FCRL3: variants seen among roughly 807,000 people sequenced by gnomAD.
FCRL3 encodes the protein Fc receptor like 3.
In FCRL3, 89 loss-of-function variants were observed where a neutral mutation model predicts 75.0. That is an observed-to-expected ratio of 1.19 (90% confidence interval 1.00 to 1.42). The LOEUF is 1.42. Among genes scored for constraint, FCRL3 ranks in the 40% most tolerant of loss-of-function variants. The pLI, the probability that FCRL3 is intolerant of heterozygous loss-of-function variation, is 0.00. For synonymous variants in FCRL3, 376 were observed against 348.5 expected (o/e 1.08, Z -0.88); for missense variants, 946 against 880.0 (o/e 1.07, Z -0.95).
chr1:157,691,434 C>A (rs1299802987), intron 8 of FCRL3, among the ~76,000 whole-genome samples: 1 of 152,134 alleles, frequency 6.6e-6, no homozygotes, highest in Admixed American at 6.5e-5. Flanking sequence ...TGCTTTCCAT[C>A]GCAGATGGGC....
intron 11 of FCRL3, among the ~76,000 whole-genome samples, chr1:157,682,985 T>C (rs1180250596): frequency 6.6e-6 from 1 of 152,160 alleles, no homozygotes; most frequent in Non-Finnish European, 1.5e-5. Flanking sequence ...TTTAAGGAAG[T>C]AGATAAATTA....
chr1:157,697,633 G>A, intron 5 of FCRL3, 26 bp downstream of exon 5: 2 of 1,599,522 alleles, frequency 1.3e-6, no homozygotes, highest in Non-Finnish European at 1.7e-6. Flanking sequence ...AACAAACCCA[G>A]TAATCCACAG....
intron 10 of FCRL3, 113 bp from the exon 11 acceptor site, chr1:157,683,357 A>G: frequency 2.3e-6 from 3 of 1,307,184 alleles, no homozygotes; most frequent in Non-Finnish European, 3.2e-6. Flanking sequence ...AGCTACGGAA[A>G]AACTCAAGGA....
In FCRL3 at chr1:157,698,701, A is replaced by G. The variant is rs1045009196; in HGVS notation, c.53-72T>C. 1.9e-4 allele frequency: 284 copies of G among 1,511,326 alleles called. 3 individuals are homozygous for G. The highest frequency in any genetic ancestry group is 7.0e-5 in the Non-Finnish European group (77 of 1,100,972). The allele number at this position is 1,511,326 out of a possible 1,614,324, so 93.6% of individuals were successfully genotyped here. On this transcript the variant is annotated intron_variant, in intron 3 of 14. Transcript: ENST00000368184. ...GTGGGCACAGCACATGGGGAGCCCA[A>G]CCTACAGTCAGGAGTTTTCCTGGAC...
At chr1:157,700,637 G>A (rs988440467) in intron 1 of FCRL3, 25 bp downstream of exon 1, 2 of 1,499,506 alleles carry the variant, frequency 1.3e-6, no homozygotes, top group African/African-American at 2.8e-5. Flanking sequence ...TTTGCTTTGG[G>A]CTCTGAAAAT....
At position 157,696,153 on chromosome 1, in the gene FCRL3, A is replaced by G. The variant is rs1371312815; in HGVS notation, c.1019T>C (p.Leu340Ser). 3.1e-6 allele frequency: 5 copies of G among 1,613,824 alleles called. No individual in the cohort carries two copies. The African/African-American group carries it at 5.3e-5, about 17-fold the overall frequency. Residue 340 changes from leucine (L) to serine (S), a missense_variant, in exon 7 of 15, where the codon TTG (leucine) becomes TCG (serine). Coordinates refer to ENST00000368184, the MANE Select transcript of FCRL3 (RefSeq NM_052939.4). ...CACGGTGAGAACATGCAGCTCTGCC[A>G]ACAGGGAACGCTGGGTCTTTCTACC... ...SLGRKTQRSL[L>S]AELHVLTVKE...
At chr1:157,698,692 G>C in intron 3 of FCRL3, 63 bp from the exon 4 acceptor site, 1 of 1,564,360 alleles carries the variant, frequency 6.4e-7, no homozygotes, top group East Asian at 2.2e-5. Context: ...ACAGCACATG[G>C]GGAGCCCAAC....
At chr1:157,689,940 G>A in intron 9 of FCRL3, 23 bp from the exon 10 acceptor site, 1 of 1,612,446 alleles carries the variant, frequency 6.2e-7, no homozygotes, top group Non-Finnish European at 8.5e-7. Context: ...AGCTGTACTT[G>A]AGTTTCAGTG....
upstream of FCRL3, chr1:157,700,831 A>G: frequency 1.1e-6 from 1 of 903,444 alleles, no homozygotes; most frequent in Non-Finnish European, 1.4e-6. Context: ...TTCTTTCTGT[A>G]TTTTTCATAT....
chr1:157,676,906 G>A lies in FCRL3; in HGVS notation c.*1804C>T. 6.9e-7 allele frequency: 1 copy of A among 1,453,074 alleles called. No homozygotes were observed. The highest frequency in any genetic ancestry group is 9.0e-7 in the Non-Finnish European group (1 of 1,105,906). 90.0% of individuals were successfully genotyped at this position (1,453,074 alleles called of 1,614,324 possible). On this transcript the variant is annotated 3_prime_UTR_variant, in exon 15 of 15. Transcript: ENST00000368184. ...GAGGAGAGCCTCCATATACAGCCTG[G>A]TGGTTGGTACCCAAAACCGGTTTAC... is the stretch of plus-strand genomic sequence containing the variant.
rs72708350 is a variant in FCRL3 at position 157,684,668 on chromosome 1, C to T, written c.1811-1424G>A. On this transcript the variant is annotated intron_variant, in intron 10 of 14. Coordinates refer to ENST00000368184, the MANE Select transcript of FCRL3 (RefSeq NM_052939.4). ...AGTTTACCTAGGTTGTGTCATAGTA[C>T]CTAAAAGGTAGATACTGTTATTATT... Among the ~76,000 whole-genome samples, 1,166 of 152,202 alleles carry T rather than the reference C, an allele frequency of 7.7e-3. 14 individuals carry two copies. Among genetic ancestry groups the T allele is most frequent in the Non-Finnish European group, 0.011 (780 of 68,020 alleles).
intron 4 of FCRL3, 95 bp downstream of exon 4, chr1:157,698,289 C>T: frequency 1.4e-6 from 2 of 1,459,712 alleles, no homozygotes; most frequent in East Asian, 2.3e-5. Context: ...ATCCCCATGT[C>T]TGCTTACAAC....
chr1:157,699,569 G>T, intron 3 of FCRL3, 123 bp downstream of exon 3: 2 of 985,476 alleles, frequency 2.0e-6, no homozygotes, highest in Non-Finnish European at 1.5e-6. Flanking sequence ...TATAGTAGCA[G>T]ATGTGACCCC....
chr1:157,696,115 C>T lies in FCRL3; in HGVS notation c.1057G>A (p.Ala353Thr). ...TCAGCTGCACAGTAGTATCTCCCTG[C>T]ATCACTCTCCTTCACGGTGAGAACA... ...LHVLTVKESD[A>T]GRYYCAADNV... The change falls in exon 7 of 15, where the codon GCA becomes ACA. Residue 353 changes from alanine (A) to threonine (T), a missense_variant. By Grantham distance (58) the Ala-to-Thr change is moderately conservative. Coordinates refer to ENST00000368184, the MANE Select transcript of FCRL3 (RefSeq NM_052939.4). 1 of 1,613,870 alleles carries T rather than the reference C, an allele frequency of 6.2e-7. No individual in the cohort carries two copies. Among genetic ancestry groups the T allele is most frequent in the Non-Finnish European group, 8.5e-7 (1 of 1,179,996 alleles).
chr1:157,682,542 A>G (rs2101591460), intron 11 of FCRL3, among the ~76,000 whole-genome samples: 1 of 152,366 alleles, frequency 6.6e-6, no homozygotes, highest in East Asian at 1.9e-4. Context: ...GGGAAGCATT[A>G]CAAAACAGGA....
chr1:157,677,829 TAGG>T lies in FCRL3; in HGVS notation c.*878_*880del, dbSNP rs1654556208. 1 of 544,846 alleles carries T rather than the reference TAGG, an allele frequency of 1.8e-6. No homozygotes were observed. The highest frequency in any genetic ancestry group is 2.1e-5 in the African/African-American group (1 of 48,026). 33.8% of individuals were successfully genotyped at this position (544,846 alleles called of 1,614,324 possible). On this transcript the variant is annotated 3_prime_UTR_variant, in exon 15 of 15. Transcript: ENST00000368184. ...TGTAGATACATTAATATGATAGAAA[TAGG>T]AGAGCATGGGAATAATGAACATGAG... is the stretch of plus-strand genomic sequence containing the variant.
In FCRL3 at chr1:157,697,158, A is replaced by G. The variant is rs200190877; in HGVS notation, c.826T>C (p.Ser276Pro). The G allele has an allele frequency of 6.6e-7, 1 of 1,508,250 alleles. No individual in the cohort carries two copies. The highest frequency in any genetic ancestry group is 8.9e-7 in the Non-Finnish European group (1 of 1,127,234). The allele number at this position is 1,508,250 out of a possible 1,614,324, so 93.4% of individuals were successfully genotyped here. Residue 276 changes from serine (S) to proline (P), a missense_variant, in exon 6 of 15, where the codon TCT (serine) becomes CCT (proline). Transcript: ENST00000368184. ...CACTCACTCTGTACACGTATCTGAG[A>G]TCTCAGGCTCCTTTTTTTGATGCTG... is the stretch of plus-strand genomic sequence containing the variant. ...THSIKKRSLR[S>P]QIRVQRVPVS... is the part of the protein sequence containing the mutation.
intron 10 of FCRL3, among the ~76,000 whole-genome samples, chr1:157,685,773 A>G (rs753990085): frequency 1.3e-5 from 2 of 152,178 alleles, no homozygotes; most frequent in Non-Finnish European, 2.9e-5. Flanking sequence ...GTGCAATAAA[A>G]ATAGAAATAA....
intron 8 of FCRL3, 101 bp from the exon 9 acceptor site, chr1:157,690,634 A>T (rs773069227): frequency 8.4e-6 from 12 of 1,432,938 alleles, no homozygotes; most frequent in Non-Finnish European, 1.1e-5. Flanking sequence ...GGGAACATGC[A>T]CCTGGATTCT....
Sources: allele counts gnomAD v4.1 joint callset (sites outside exome capture counted in the v4.1 genomes callset), GRCh38; gene constraint gnomAD v4.1.1; transcripts MANE v1.5; gene names NCBI Gene and HGNC (gene_info 2026-07-23, HGNC 2026-07-21).